Variants in RPL34 observed in about 807,000 individuals in gnomAD.
RPL34 encodes ribosomal protein L34.
A neutral mutation model predicts 16.3 loss-of-function variants in RPL34; 2 were observed. That is an observed-to-expected ratio of 0.12 (90% CI 0.05 to 0.39). RPL34 has a LOEUF of 0.39. Ranked by LOEUF, RPL34 falls within the 10% of genes least tolerant of loss-of-function variation. The probability of loss-of-function intolerance (pLI) is 0.99; values close to 1 mark genes in which losing one functional copy is unlikely to be tolerated. For missense variants in RPL34, 82 were observed against 148.8 expected (o/e 0.55, Z 2.33); for synonymous variants, 47 against 48.5 (o/e 0.97, Z 0.13).
At chr4:108,622,990 A>C (rs981759649) in intron 4 of RPL34, 4 of 163,840 alleles carry the variant, frequency 2.4e-5, no homozygotes, top group African/African-American at 7.2e-5. Flanking sequence ...AGAGTTGTGT[A>C]TTCTCATGAG....
At chr4:108,621,747 A>C (rs1725786011) in intron 1 of RPL34, 9 of 503,308 alleles carry the variant, frequency 1.8e-5, no homozygotes, top group East Asian at 3.5e-5. Context: ...TTTGATTACC[A>C]TCAGGAAAGC....
downstream of RPL34, among the ~76,000 whole-genome samples, chr4:108,627,123 C>G (rs1193951736): frequency 6.6e-6 from 1 of 152,000 alleles, no homozygotes; most frequent in Non-Finnish European, 1.5e-5. Flanking sequence ...TCTGTAATCC[C>G]AGTTACTCGG....
chr4:108,622,306 G>A (rs905336630), intron 3 of RPL34, 102 bp downstream of exon 3: 10 of 936,508 alleles, frequency 1.1e-5, no homozygotes, highest in Non-Finnish European at 1.7e-5. Flanking sequence ...CCACTAAGAG[G>A]GTTCAGAATT....
At chr4:108,624,407 A>G (rs981521670) in intron 4 of RPL34, among the ~76,000 whole-genome samples, 3 of 152,206 alleles carry the variant, frequency 2.0e-5, no homozygotes, top group Non-Finnish European at 4.4e-5. Context: ...AGTTGAAGCA[A>G]GAGGAGTGCT....
At chr4:108,628,944 C>T (rs1485454850), downstream of RPL34, among the ~76,000 whole-genome samples, 4 of 152,124 alleles carry the variant, frequency 2.6e-5, no homozygotes, top group Non-Finnish European at 4.4e-5. Context: ...CTCAGCCTCC[C>T]GAGTAGCTGG....
intron 1 of RPL34, chr4:108,621,653 G>A (rs1471807663): frequency 6.6e-6 from 2 of 304,144 alleles, no homozygotes; most frequent in Admixed American, 4.5e-5. Context: ...AACTGGGCTC[G>A]TGGCACTTTT....
rs1234665554 is a variant in RPL34, at chr4:108,625,173, A to G, written c.315A>G (p.Lys105=). The change falls in exon 5 of 5, where the codon AAA becomes AAG. Residue 105 remains lysine, a synonymous_variant. Transcript: ENST00000394667. The part of the protein sequence containing the change: ...FLIEEQKIVV[K]VLKAQAQSQK... ...TCGAGGAGCAGAAAATCGTTGTGAA[A>G]GTGTTGAAGGCACAAGCACAGAGTC... 4.3e-6 allele frequency: 7 copies of G among 1,611,122 alleles called. No homozygotes were observed. The Admixed American group carries it at 1.0e-4, about 23-fold the overall frequency.
rs1725796104 is a variant in RPL34 at position 108,621,934 on chromosome 4, C to T, written c.-9-17C>T. ...TTTACAATGGAAAGATTTGATGTTA[C>T]TCTATTCTTAATTTAGGCACTCAGA... On this transcript the variant is annotated splice_polypyrimidine_tract_variant and intron_variant, in intron 1 of 4. Coordinates refer to ENST00000394667, the MANE Select transcript of RPL34 (RefSeq NM_001319236.2). 1.3e-6 allele frequency: 2 copies of T among 1,532,426 alleles called. No individual in the cohort carries two copies. Among genetic ancestry groups the T allele is most frequent in the East Asian group, 2.2e-5 (1 of 44,504 alleles). The allele number at this position is 1,532,426 out of a possible 1,614,324, so 94.9% of individuals were successfully genotyped here. A position where few individuals can be genotyped will look rare whatever the true frequency, so the allele number is the denominator to read the frequency against.
At chr4:108,630,239 A>G (rs1726131015), downstream of RPL34, 1 of 152,184 alleles carries the variant, frequency 6.6e-6, no homozygotes, top group Non-Finnish European at 1.5e-5. Flanking sequence ...ATACTACTCA[A>G]GTTACAGTAT....
At position 108,625,264 on chromosome 4, in the gene RPL34, C is replaced by A. The variant is rs1578324551; in HGVS notation, c.*52C>A. 15 of 865,540 alleles carry A rather than the reference C, an allele frequency of 1.7e-5. No homozygotes were observed. Among genetic ancestry groups the A allele is most frequent in the Admixed American group, 2.7e-5 (1 of 36,646 alleles). 53.6% of individuals were successfully genotyped at this position (865,540 alleles called of 1,614,324 possible). A position where few individuals can be genotyped will look rare whatever the true frequency, so the allele number is the denominator to read the frequency against. On this transcript the variant is annotated 3_prime_UTR_variant, in exon 5 of 5. Transcript: ENST00000394667. ...AAATGAAAAGACGCTGTATGTATGA[C>A]TTTTTTTTTTTCTGTTGTAATGTGT...
chr4:108,622,430 C>T (rs1725823530), intron 3 of RPL34, 85 bp from the exon 4 acceptor site: 5 of 1,027,244 alleles, frequency 4.9e-6, no homozygotes, highest in Non-Finnish European at 7.6e-6. Context: ...TTGTAACCTA[C>T]TTTAAACTTG....
rs971931827 is a variant in RPL34, at chr4:108,621,803, A to G, written c.-9-148A>G. On this transcript the variant is annotated intron_variant, in intron 1 of 4. Coordinates refer to ENST00000394667, the MANE Select transcript of RPL34 (RefSeq NM_001319236.2). Reference sequence around the variant, plus strand: ...TTATCAGTCACCTTTAAATACAAGTAGTTTTAAAATGTGGAATAATACATC... The same window carrying G: ...TTATCAGTCACCTTTAAATACAAGTGGTTTTAAAATGTGGAATAATACATC... The G allele has an allele frequency of 2.0e-5, 12 of 611,048 alleles. No homozygotes were observed. The African/African-American group carries it at 2.2e-4, about 11-fold the overall frequency. 37.9% of individuals were successfully genotyped at this position (611,048 alleles called of 1,614,324 possible). A position where few individuals can be genotyped will look rare whatever the true frequency, so the allele number is the denominator to read the frequency against.
At chr4:108,625,024 C>T in intron 4 of RPL34, 104 bp from the exon 5 acceptor site, 2 of 721,830 alleles carry the variant, frequency 2.8e-6, no homozygotes, top group Non-Finnish European at 4.8e-6. Flanking sequence ...TCCTGGGTTC[C>T]CTGATTGCTT....
At chr4:108,624,129 A>G (rs1725895880) in intron 4 of RPL34, among the ~76,000 whole-genome samples, 1 of 152,218 alleles carries the variant, frequency 6.6e-6, no homozygotes, top group Admixed American at 6.5e-5. Flanking sequence ...ATTTATTAAA[A>G]ATACAAATTC....
Position 108,620,590 on chromosome 4 carries a change from G to A in RPL34, c.-20G>A. The A allele has an allele frequency of 6.3e-6, 2 of 318,148 alleles. No individual in the cohort carries two copies. The highest frequency in any genetic ancestry group is 2.5e-5 in the South Asian group (1 of 39,828). The allele number at this position is 318,148 out of a possible 1,614,324, so 19.7% of individuals were successfully genotyped here. On this transcript the variant is annotated 5_prime_UTR_variant, in exon 1 of 5. Coordinates refer to ENST00000394667, the MANE Select transcript of RPL34 (RefSeq NM_001319236.2). The stretch of plus-strand genomic sequence containing the variant: ...GCTTTTTTCTTCCTCTTCCGGGGAC[G>A]TTGTCTGCAGGTATGGATGTTGTTC...
downstream of RPL34, among the ~76,000 whole-genome samples, chr4:108,627,580 C>A (rs886321672): frequency 6.6e-6 from 1 of 151,524 alleles, no homozygotes; most frequent in Non-Finnish European, 1.5e-5. Context: ...AGAATTTAAC[C>A]GCCAGGCGCG....
intron 1 of RPL34, chr4:108,621,515 G>A: frequency 4.8e-6 from 1 of 208,802 alleles, no homozygotes; most frequent in Non-Finnish European, 9.9e-6. Flanking sequence ...GTATAAAGTA[G>A]ACAGAATTCC....
downstream of RPL34, among the ~76,000 whole-genome samples, chr4:108,626,181 T>A (rs951050510): frequency 1.3e-5 from 2 of 152,192 alleles, no homozygotes; most frequent in African/African-American, 2.4e-5. Context: ...TCACTCCTGC[T>A]GCCCAGCCTG....
chr4:108,621,967 A>G lies in RPL34; in HGVS notation c.8A>G (p.Gln3Arg). The G allele has an allele frequency of 1.2e-6, 2 of 1,610,554 alleles. No individual in the cohort carries two copies. Among genetic ancestry groups the G allele is most frequent in the Non-Finnish European group, 1.7e-6 (2 of 1,177,838 alleles). The change falls in exon 2 of 5, where the codon CAG becomes CGG. Residue 3 changes from glutamine to arginine, a missense_variant. Coordinates refer to ENST00000394667, the MANE Select transcript of RPL34 (RefSeq NM_001319236.2). The stretch of plus-strand genomic sequence containing the variant: ...TTAATTTAGGCACTCAGAATGGTCC[A>G]GCGTTTGACATACCGACGTAGGCTT... MV[Q>R]RLTYRRRLSY...
Sources: gnomAD v4.1 joint callset for allele counts (sites outside exome capture counted in the v4.1 genomes callset) on GRCh38, gnomAD v4.1.1 for gene constraint, MANE v1.5 for transcripts, NCBI Gene and HGNC (gene_info 2026-07-23, HGNC 2026-07-21) for gene names.